Variants in BCL11B observed in about 807,000 individuals in gnomAD.
The protein encoded by BCL11B is BCL11 transcription factor B, also known as B-cell lymphoma/leukemia 11B.
BCL11B carries 8 observed loss-of-function variants against 49.9 expected under a neutral mutation model. The ratio of observed to expected loss-of-function variants is 0.16; its 90% CI spans 0.09 to 0.29. The LOEUF (loss-of-function observed/expected upper bound fraction) is 0.29. Among genes scored for constraint, BCL11B ranks in the 10% least tolerant of loss-of-function variants. The pLI is 1.00. For missense variants in BCL11B, 1,006 were observed against 1,351.0 expected (o/e 0.74, Z 4.00); for synonymous variants, 739 against 637.4 (o/e 1.16, Z -2.40).
chr14:99,176,019 C>A lies in BCL11B; in HGVS notation c.817G>T (p.Ala273Ser). Residue 273 changes from alanine (A) to serine (S), a missense_variant, in exon 4 of 4, where the codon GCC becomes TCC. By Grantham distance (99) the Ala-to-Ser change is moderately conservative. This residue lies in a region of BCL11B where 411 missense variants were observed against 542.2 expected (regional missense o/e 0.76). Coordinates refer to ENST00000357195, the MANE Select transcript of BCL11B (RefSeq NM_138576.4). Reference protein sequence around the residue: ...LTIPPPLGPEAVAQSPLMNFL... With the variant: ...LTIPPPLGPESVAQSPLMNFL... The stretch of plus-strand genomic sequence containing the variant: ...TTCATGAGCGGGGACTGCGCCACGG[C>A]CTCCGGCCCGAGCGGCGGCGGGATG... 1.3e-6 allele frequency: 2 copies of A among 1,572,080 alleles called. No individual in the cohort carries two copies. The highest frequency in any genetic ancestry group is 2.3e-5 in the East Asian group (1 of 43,156).
intron 2 of BCL11B, among the ~76,000 whole-genome samples, chr14:99,249,370 G>C (rs542189273): frequency 6.6e-6 from 1 of 152,296 alleles, no homozygotes; most frequent in African/African-American, 2.4e-5. Context: ...TGCCATGGTG[G>C]TTTGCTGCAC....
intron 3 of BCL11B, among the ~76,000 whole-genome samples, chr14:99,204,259 T>A (rs1887470312): frequency 6.6e-6 from 1 of 152,074 alleles, no homozygotes; most frequent in East Asian, 1.9e-4. Context: ...TCTGGGGAAG[T>A]CTGTGGACTC....
At position 99,174,041 on chromosome 14, in the gene BCL11B, G is replaced by T; in HGVS notation, c.*110C>A. On this transcript the variant is annotated 3_prime_UTR_variant, in exon 4 of 4. Transcript: ENST00000357195. Reference sequence around the variant, plus strand: ...TGGAGTGCCGCCTCCCCTGGGCCCCGGGGACACGCGGGGTGCGGGGTGGCG... The same window carrying T: ...TGGAGTGCCGCCTCCCCTGGGCCCCTGGGACACGCGGGGTGCGGGGTGGCG... The T allele has an allele frequency of 8.7e-7, 1 of 1,149,524 alleles. No homozygotes were observed. Among genetic ancestry groups the T allele is most frequent in the Non-Finnish European group, 1.2e-6 (1 of 815,660 alleles). 71.2% of individuals were successfully genotyped at this position (1,149,524 alleles called of 1,614,324 possible). A position where few individuals can be genotyped will look rare whatever the true frequency, so the allele number is the denominator to read the frequency against.
chr14:99,183,166 C>G (rs770751167), intron 3 of BCL11B, among the ~76,000 whole-genome samples: 31 of 152,108 alleles, frequency 2.0e-4, no homozygotes, highest in Non-Finnish European at 8.8e-5. Flanking sequence ...AAGGGTTTGA[C>G]TCACCTTGGG....
chr14:99,251,672 C>A (rs1446060679), intron 2 of BCL11B, among the ~76,000 whole-genome samples: 1 of 152,188 alleles, frequency 6.6e-6, no homozygotes, highest in Non-Finnish European at 1.5e-5. Flanking sequence ...TTAGGAAGTA[C>A]AGGACAGTAT....
At chr14:99,182,728 G>A (rs1886743358) in intron 3 of BCL11B, among the ~76,000 whole-genome samples, 1 of 152,140 alleles carries the variant, frequency 6.6e-6, no homozygotes, top group Non-Finnish European at 1.5e-5. Flanking sequence ...GAAAGCCACT[G>A]CCCCCACACC....
In BCL11B at chr14:99,257,197, G is replaced by C. The variant is rs1274564036; in HGVS notation, c.427+274C>G. Among the ~76,000 whole-genome samples the C allele has an allele frequency of 6.6e-6, 1 of 152,134 alleles. No individual in the cohort carries two copies. Among genetic ancestry groups the C allele is most frequent in the Admixed American group, 6.5e-5 (1 of 15,276 alleles). Reference sequence around the variant, plus strand: ...AACCAGACTTCCAAATTTTCATTCTGTGCTTCTGACCACCTCTGGATTAGC... The same window carrying C: ...AACCAGACTTCCAAATTTTCATTCTCTGCTTCTGACCACCTCTGGATTAGC... On this transcript the variant is annotated intron_variant, in intron 2 of 3. Coordinates refer to ENST00000357195, the MANE Select transcript of BCL11B (RefSeq NM_138576.4). This position sits in a 1 kb window ranked among gnomAD's most constrained non-coding sequence, Gnocchi z 6.2.
intron 3 of BCL11B, among the ~76,000 whole-genome samples, chr14:99,215,197 G>C (rs954291247): frequency 6.8e-6 from 1 of 146,948 alleles, no homozygotes; most frequent in African/African-American, 2.5e-5. Context: ...TAATTTATAA[G>C]TTGCAGATAA....
chr14:99,244,385 G>A (rs1301932952), intron 2 of BCL11B, among the ~76,000 whole-genome samples: 3 of 151,784 alleles, frequency 2.0e-5, no homozygotes, highest in East Asian at 1.9e-4. Flanking sequence ...GATGGGGCCC[G>A]TCAAACACAC....
intron 2 of BCL11B, among the ~76,000 whole-genome samples, chr14:99,256,983 T>C (rs1310508993): frequency 6.6e-6 from 1 of 152,126 alleles, no homozygotes; most frequent in Non-Finnish European, 1.5e-5. Context: ...CATTCCTAAG[T>C]GCCTACCAGG....
At chr14:99,208,560 G>C (rs1213819104) in intron 3 of BCL11B, among the ~76,000 whole-genome samples, 5 of 152,200 alleles carry the variant, frequency 3.3e-5, no homozygotes, top group Non-Finnish European at 5.9e-5. Context: ...GCTAACCCAA[G>C]CAAGACCGAG....
rs2139882722 is a variant in BCL11B at position 99,228,449 on chromosome 14, G to A, written c.640+2896C>T. On this transcript the variant is annotated intron_variant, in intron 3 of 3. Transcript: ENST00000357195. The surrounding 1 kb of genome is among the most constrained non-coding windows in gnomAD (Gnocchi z 4.8). ...TGGGACCGAATGAAAAAAGAGAACTGTACCAGACATGGTGGCAGAGGGCAG... is the reference window on the plus strand; with the variant it reads ...TGGGACCGAATGAAAAAAGAGAACTATACCAGACATGGTGGCAGAGGGCAG... 6.6e-6 allele frequency among the ~76,000 whole-genome samples: 1 copy of A among 152,296 alleles called. No individual in the cohort carries two copies. Among genetic ancestry groups the A allele is most frequent in the South Asian group, 2.1e-4 (1 of 4,824 alleles).
At chr14:99,190,129 T>C (rs1886978525) in intron 3 of BCL11B, among the ~76,000 whole-genome samples, 1 of 152,228 alleles carries the variant, frequency 6.6e-6, no homozygotes, top group African/African-American at 2.4e-5. Flanking sequence ...GGTGTCCCAA[T>C]AATGAGCCAA....
At position 99,194,305 on chromosome 14, in the gene BCL11B, G is replaced by A. The variant is rs1271424822; in HGVS notation, c.641-18110C>T. Among the ~76,000 whole-genome samples, 1 of 152,168 alleles carries A rather than the reference G, an allele frequency of 6.6e-6. No homozygotes were observed. Among genetic ancestry groups the A allele is most frequent in the African/African-American group, 2.4e-5 (1 of 41,426 alleles). ...CAGCAAACCGCCAAGGCCTTCCCCG[G>A]ACTGCACTGGCTTACAGAACACACC... On this transcript the variant is annotated intron_variant, in intron 3 of 3. Coordinates refer to ENST00000357195, the MANE Select transcript of BCL11B (RefSeq NM_138576.4). The surrounding 1 kb of genome is among the most constrained non-coding windows in gnomAD (Gnocchi z 4.6).
At chr14:99,258,149 G>A (rs533036019) in intron 1 of BCL11B, among the ~76,000 whole-genome samples, 4 of 152,280 alleles carry the variant, frequency 2.6e-5, no homozygotes, top group Admixed American at 6.5e-5. Flanking sequence ...GAACACACAC[G>A]GACACACGTG....
At chr14:99,222,833 T>C (rs990114117) in intron 3 of BCL11B, among the ~76,000 whole-genome samples, 1 of 145,388 alleles carries the variant, frequency 6.9e-6, no homozygotes, top group Non-Finnish European at 1.5e-5. Flanking sequence ...ATTTCTTTAT[T>C]TCCCTTTCTT....
chr14:99,262,544 C>T lies in BCL11B; in HGVS notation c.59-4705G>A, dbSNP rs973086507. Reference sequence around the variant, plus strand: ...GGCTCTTAAAATCGTGTGCCACCAACGTCACAACCGCCATCATGATGTGTA... The same window carrying T: ...GGCTCTTAAAATCGTGTGCCACCAATGTCACAACCGCCATCATGATGTGTA... On this transcript the variant is annotated intron_variant, in intron 1 of 3. Coordinates refer to ENST00000357195, the MANE Select transcript of BCL11B (RefSeq NM_138576.4). The surrounding 1 kb of genome is among the most constrained non-coding windows in gnomAD (Gnocchi z 4.2). 2.6e-5 allele frequency among the ~76,000 whole-genome samples: 4 copies of T among 152,150 alleles called. No individual in the cohort carries two copies. The highest frequency in any genetic ancestry group is 2.1e-4 in the South Asian group (1 of 4,834).
chr14:99,191,330 C>T (rs1268420640), intron 3 of BCL11B, among the ~76,000 whole-genome samples: 1 of 151,914 alleles, frequency 6.6e-6, no homozygotes, highest in Non-Finnish European at 1.5e-5. Context: ...GCAACTGTCC[C>T]AAAAGTGGGC....
At chr14:99,250,528 C>A (rs1321601831) in intron 2 of BCL11B, among the ~76,000 whole-genome samples, 2 of 152,088 alleles carry the variant, frequency 1.3e-5, no homozygotes, top group Non-Finnish European at 2.9e-5. Context: ...AGCCAGTCAG[C>A]CTTATTTCTA....
Sources: allele counts gnomAD v4.1 joint callset (sites outside exome capture counted in the v4.1 genomes callset), GRCh38; gene constraint gnomAD v4.1.1; regional missense constraint gnomAD v4.1.1; non-coding constraint Gnocchi (gnomAD v3.1); transcripts MANE v1.5; gene names NCBI Gene and HGNC (gene_info 2026-07-23, HGNC 2026-07-21).